The following RAB3C variants were observed in gnomAD, a reference collection of about 807,000 sequenced individuals.
RAB3C encodes the protein ras-related protein Rab-3C.
A neutral mutation model predicts 26.4 loss-of-function variants in RAB3C; 17 were observed. The ratio of observed to expected loss-of-function variants is 0.64; its 90% confidence interval spans 0.44 to 0.97. The LOEUF is 0.97. Among genes scored for constraint, RAB3C ranks in the 50% least tolerant of loss-of-function variants. RAB3C has a pLI of 0.00. For synonymous variants in RAB3C, 91 were observed against 95.9 expected (o/e 0.95, Z 0.30); for missense variants, 242 against 281.9 (o/e 0.86, Z 1.01).
intron 1 of RAB3C, among the ~76,000 whole-genome samples, chr5:58,604,917 G>A (rs560662333): frequency 4.6e-5 from 7 of 152,246 alleles, no homozygotes; most frequent in East Asian, 1.9e-4. Context: ...TCTGGCCACC[G>A]TCCAGATGGA....
intron 3 of RAB3C, among the ~76,000 whole-genome samples, chr5:58,795,326 A>T (rs1003570603): frequency 2.6e-5 from 4 of 152,134 alleles, no homozygotes; most frequent in African/African-American, 9.7e-5. Flanking sequence ...ACGGACTAAT[A>T]TACTTATAGA....
intron 2 of RAB3C, among the ~76,000 whole-genome samples, chr5:58,705,776 T>C (rs1374884724): frequency 2.6e-5 from 4 of 152,186 alleles, no homozygotes; most frequent in Non-Finnish European, 5.9e-5. Flanking sequence ...TGTCTTTCTT[T>C]AGAAAGGAGC....
intron 2 of RAB3C, among the ~76,000 whole-genome samples, chr5:58,676,035 A>G (rs1324859061): frequency 2.0e-5 from 3 of 152,042 alleles, no homozygotes; most frequent in Non-Finnish European, 4.4e-5. Flanking sequence ...GCTTCCTCCC[A>G]TCAGCCTTTT....
intron 4 of RAB3C, among the ~76,000 whole-genome samples, chr5:58,846,133 T>G (rs529839438): frequency 6.6e-6 from 1 of 152,320 alleles, no homozygotes; most frequent in Admixed American, 6.5e-5. Context: ...CTTTTAAAAT[T>G]GAATAATATT....
upstream of RAB3C, among the ~76,000 whole-genome samples, chr5:58,582,871 G>A (rs1240609458): frequency 6.6e-6 from 1 of 152,218 alleles, no homozygotes; most frequent in Non-Finnish European, 1.5e-5. Flanking sequence ...GGTAACCCAG[G>A]AGCGTTTGGA....
intron 2 of RAB3C, among the ~76,000 whole-genome samples, chr5:58,657,795 T>C (rs1253972555): frequency 6.6e-6 from 1 of 152,068 alleles, no homozygotes; most frequent in African/African-American, 2.4e-5. Context: ...TCTGTTTTTC[T>C]CTTAGTTTTA....
In RAB3C at chr5:58,855,018, C is replaced by T. The variant is rs1157775622; in HGVS notation, c.*3667C>T. On this transcript the variant is annotated 3_prime_UTR_variant, in exon 5 of 5. Coordinates refer to ENST00000282878, the MANE Select transcript of RAB3C (RefSeq NM_138453.4). ...CTTCTTCTCTTTTAAAAGTTAAATA[C>T]ATTCCACTATTAACTGAACTTCCAT... is the stretch of plus-strand genomic sequence containing the variant. The T allele has an allele frequency of 6.6e-6, 1 of 152,150 alleles. No homozygotes were observed. The highest frequency in any genetic ancestry group is 1.5e-5 in the Non-Finnish European group (1 of 68,030). 9.4% of individuals were successfully genotyped at this position (152,150 alleles called of 1,614,324 possible). A position where few individuals can be genotyped will look rare whatever the true frequency, so the allele number is the denominator to read the frequency against.
At position 58,822,672 on chromosome 5, in the gene RAB3C, C is replaced by T. The variant is rs548920045; in HGVS notation, c.372-2366C>T. The stretch of plus-strand genomic sequence containing the variant: ...ACAGGGTGATAGTCTGTGTAACAAA[C>T]AGAGATATGATTTGTCAGATTACTT... On this transcript the variant is annotated intron_variant, in intron 3 of 4. Coordinates refer to ENST00000282878, the MANE Select transcript of RAB3C (RefSeq NM_138453.4). 1.9e-5 allele frequency: 8 copies of T among 412,512 alleles called. No individual in the cohort carries two copies. In the East Asian group the frequency reaches 4.2e-4, roughly 22 times the overall value. 25.6% of individuals were successfully genotyped at this position (412,512 alleles called of 1,614,324 possible).
intron 2 of RAB3C, among the ~76,000 whole-genome samples, chr5:58,619,477 AG>A (rs1746890397): frequency 4.6e-5 from 7 of 152,202 alleles, no homozygotes; most frequent in Non-Finnish European, 1.0e-4. Context: ...CTTAATTCTC[AG>A]GGGCTTTGGT....
intron 3 of RAB3C, among the ~76,000 whole-genome samples, chr5:58,742,581 A>G (rs2111949141): frequency 6.6e-6 from 1 of 152,322 alleles, no homozygotes; most frequent in African/African-American, 2.4e-5. Flanking sequence ...ATTGCATATC[A>G]AATATCTAAG....
intron 2 of RAB3C, among the ~76,000 whole-genome samples, chr5:58,722,976 T>A (rs1268025421): frequency 6.6e-6 from 1 of 151,866 alleles, no homozygotes; most frequent in African/African-American, 2.4e-5. Context: ...GGGATTCAAC[T>A]CTTAAATTCA....
chr5:58,833,323 A>ATC (rs1421414182), intron 4 of RAB3C, among the ~76,000 whole-genome samples: 4 of 95,978 alleles, frequency 4.2e-5, no homozygotes, highest in African/African-American at 1.2e-4. Context: ...CACGGACCCC[A>ATC]TCACACACAC....
At chr5:58,835,588 C>T (rs1419600057) in intron 4 of RAB3C, among the ~76,000 whole-genome samples, 3 of 152,190 alleles carry the variant, frequency 2.0e-5, no homozygotes, top group Non-Finnish European at 4.4e-5. Flanking sequence ...ACCTTTGCTC[C>T]TTCTCTTAGA....
chr5:58,626,204 T>C (rs755255716), intron 2 of RAB3C, among the ~76,000 whole-genome samples: 14 of 151,974 alleles, frequency 9.2e-5, no homozygotes, highest in Non-Finnish European at 1.9e-4. Flanking sequence ...TTTCATTAAG[T>C]TTCTTTTTTC....
chr5:58,818,963 T>C (rs928972010), intron 3 of RAB3C, among the ~76,000 whole-genome samples: 2 of 152,206 alleles, frequency 1.3e-5, no homozygotes, highest in Non-Finnish European at 2.9e-5. Flanking sequence ...AAAATTTATT[T>C]GTATAGAACC....
chr5:58,854,646 T>C lies in RAB3C; in HGVS notation c.*3295T>C, dbSNP rs562459794. On this transcript the variant is annotated 3_prime_UTR_variant, in exon 5 of 5. Transcript: ENST00000282878. Reference sequence around the variant, plus strand: ...TCTAATGACTGTGAAAGCTAGGAGGTTCTTCTAGTTCCTCCTTAGGGTCAC... The same window carrying C: ...TCTAATGACTGTGAAAGCTAGGAGGCTCTTCTAGTTCCTCCTTAGGGTCAC... 1 of 152,202 alleles carries C rather than the reference T, an allele frequency of 6.6e-6. No homozygotes were observed. The highest frequency in any genetic ancestry group is 1.5e-5 in the Non-Finnish European group (1 of 68,044). 9.4% of individuals were successfully genotyped at this position (152,202 alleles called of 1,614,324 possible).
intron 1 of RAB3C, among the ~76,000 whole-genome samples, chr5:58,606,939 A>C (rs1362505028): frequency 1.3e-5 from 2 of 152,226 alleles, no homozygotes; most frequent in African/African-American, 2.4e-5. Context: ...AAAGGTAGAT[A>C]AAACCACAGA....
chr5:58,643,505 T>G (rs1023726385), intron 2 of RAB3C, among the ~76,000 whole-genome samples: 47 of 152,160 alleles, frequency 3.1e-4, no homozygotes, highest in African/African-American at 1.1e-3. Context: ...TCTATTTAAT[T>G]ATGTTTAGAA....
chr5:58,723,553 G>T (rs1352786413), intron 2 of RAB3C, among the ~76,000 whole-genome samples: 1 of 151,850 alleles, frequency 6.6e-6, no homozygotes, highest in African/African-American at 2.4e-5. Context: ...AATTGGGAAA[G>T]AGTTGTAGGC....
Sources: allele counts gnomAD v4.1 joint callset (sites outside exome capture counted in the v4.1 genomes callset), GRCh38; gene constraint gnomAD v4.1.1; transcripts MANE v1.5; gene names NCBI Gene and HGNC (gene_info 2026-07-23, HGNC 2026-07-21).